INO80: variants seen among roughly 807,000 people sequenced by gnomAD.
The protein encoded by INO80 is INO80 complex ATPase subunit.
Under a neutral mutation model 203.4 loss-of-function variants are expected in INO80, and 20 were observed. The ratio of observed to expected loss-of-function variants is 0.10; its 90% CI spans 0.07 to 0.14. The LOEUF (loss-of-function observed/expected upper bound fraction) is 0.14. Ranked by LOEUF, INO80 falls within the 10% of genes least tolerant of loss-of-function variation. The pLI, the probability that INO80 is intolerant of heterozygous loss-of-function variation, is 1.00. For missense variants in INO80, 1,419 were observed against 1,914.4 expected, an observed-to-expected ratio of 0.74 and a Z score of 4.83; for synonymous variants, 726 against 685.2, an observed-to-expected ratio of 1.06 and a Z score of -0.93.
intron 14 of INO80, among the ~76,000 whole-genome samples, chr15:41,067,507 T>C (rs1343001431): frequency 1.3e-5 from 2 of 152,190 alleles, no homozygotes; most frequent in Non-Finnish European, 2.9e-5. Context: ...CAAACTGCAT[T>C]AGAATGATCT....
intron 14 of INO80, among the ~76,000 whole-genome samples, chr15:41,063,496 G>A (rs1004387612): frequency 6.6e-6 from 1 of 151,960 alleles, no homozygotes; most frequent in African/African-American, 2.4e-5. Context: ...CCTTAAGGTC[G>A]GGCACGGTGG....
At chr15:41,099,796 A>C (rs1016581029) in intron 1 of INO80, among the ~76,000 whole-genome samples, 1 of 151,866 alleles carries the variant, frequency 6.6e-6, no homozygotes, top group Non-Finnish European at 1.5e-5. Context: ...AAAAAACTTT[A>C]AATTTCACCT....
At chr15:41,111,691 T>C (rs2045960879) in intron 1 of INO80, among the ~76,000 whole-genome samples, 1 of 151,572 alleles carries the variant, frequency 6.6e-6, no homozygotes, top group East Asian at 2.0e-4. Flanking sequence ...TAATCCTAGC[T>C]ACTCGGGAGG....
At chr15:41,107,604 A>G (rs1369849714) in intron 1 of INO80, among the ~76,000 whole-genome samples, 1 of 151,708 alleles carries the variant, frequency 6.6e-6, no homozygotes, top group African/African-American at 2.4e-5. Flanking sequence ...GTTCGAGGCC[A>G]GCCTGGCCAA....
Position 40,997,520 on chromosome 15 carries a change from ATTAC to A in INO80, c.3570+5_3570+8del. On this transcript the variant is annotated splice_donor_5th_base_variant and intron_variant, in intron 29 of 35. Transcript: ENST00000648947. ...TGCATATCTAGTTGATTGTGCTCTC[ATTAC>A]TTACTGTGTCTGCAGCAGTGAGATT... 6.3e-7 allele frequency: 1 copy of A among 1,588,552 alleles called. No homozygotes were observed. Among genetic ancestry groups the A allele is most frequent in the Non-Finnish European group, 8.6e-7 (1 of 1,156,692 alleles).
At chr15:41,021,721 G>A (rs1164557532) in intron 25 of INO80, among the ~76,000 whole-genome samples, 1 of 152,194 alleles carries the variant, frequency 6.6e-6, no homozygotes, top group Non-Finnish European at 1.5e-5. Context: ...AGGCAGGGGA[G>A]GGTAGGGAAG....
At chr15:41,016,243 G>A (rs1204928981) in intron 26 of INO80, 28 bp from the exon 27 acceptor site, 1 of 1,607,994 alleles carries the variant, frequency 6.2e-7, no homozygotes, top group African/African-American at 1.3e-5. Flanking sequence ...GGGTGAGGGG[G>A]AACTGTATTT....
intron 1 of INO80, among the ~76,000 whole-genome samples, chr15:41,113,193 G>A (rs936042652): frequency 6.6e-5 from 10 of 152,108 alleles, no homozygotes; most frequent in Admixed American, 2.0e-4. Context: ...GGGATTACAG[G>A]TGTGAGCCAC....
chr15:41,110,346 T>C (rs1321736641), intron 1 of INO80, among the ~76,000 whole-genome samples: 2 of 151,608 alleles, frequency 1.3e-5, no homozygotes, highest in South Asian at 2.1e-4. Flanking sequence ...GGTTTCACCA[T>C]GTTGGTCAGG....
chr15:40,992,557 G>A (rs1215804704), intron 29 of INO80, among the ~76,000 whole-genome samples: 4 of 152,232 alleles, frequency 2.6e-5, no homozygotes, highest in East Asian at 1.9e-4. Flanking sequence ...TGGTTCTGGG[G>A]AAATCCCAAA....
intron 14 of INO80, among the ~76,000 whole-genome samples, chr15:41,065,497 A>G (rs1031087664): frequency 2.0e-5 from 3 of 152,158 alleles, no homozygotes; most frequent in African/African-American, 7.2e-5. Context: ...TAGAATTACC[A>G]TATGACCTAG....
chr15:40,986,621 TTTTGTTTTTG>T (rs1056626893), intron 31 of INO80, among the ~76,000 whole-genome samples: 1 of 151,428 alleles, frequency 6.6e-6, no homozygotes, highest in African/African-American at 2.4e-5. Flanking sequence ...GTCTTGTGTT[TTTTGTTTTTG>T]TTTGTTTTTA....
At chr15:41,013,131 T>C (rs1332981084) in intron 27 of INO80, 2 of 149,958 alleles carry the variant, frequency 1.3e-5, no homozygotes. Flanking sequence ...AAAAAGGCTG[T>C]TGGATGAAAG....
At chr15:41,020,076 C>G (rs1189699644) in intron 26 of INO80, among the ~76,000 whole-genome samples, 1 of 152,102 alleles carries the variant, frequency 6.6e-6, no homozygotes, top group African/African-American at 2.4e-5. Context: ...AAAAAATTAG[C>G]CAGGCGTGGT....
At chr15:41,008,171 A>G (rs2044078201) in intron 27 of INO80, among the ~76,000 whole-genome samples, 1 of 151,886 alleles carries the variant, frequency 6.6e-6, no homozygotes, top group South Asian at 2.1e-4. Context: ...TGATTGTCTC[A>G]AAATAAACAA....
At chr15:41,046,579 G>C (rs775800632) in intron 23 of INO80, among the ~76,000 whole-genome samples, 45 of 151,228 alleles carry the variant, frequency 3.0e-4, no homozygotes, top group Non-Finnish European at 4.9e-4. Context: ...CAAAAGAAAG[G>C]TACAATTCAC....
intron 1 of INO80, among the ~76,000 whole-genome samples, chr15:41,100,513 A>T (rs778729660): frequency 6.6e-6 from 1 of 152,200 alleles, no homozygotes; most frequent in Non-Finnish European, 1.5e-5. Flanking sequence ...CCCAGTATAC[A>T]TCAGTCCTGT....
At chr15:41,053,217 T>C (rs1384012440) in intron 19 of INO80, among the ~76,000 whole-genome samples, 2 of 152,184 alleles carry the variant, frequency 1.3e-5, no homozygotes, top group African/African-American at 2.4e-5. Context: ...GCCATTCTCC[T>C]GCCTCAGCCT....
intron 1 of INO80, among the ~76,000 whole-genome samples, chr15:41,107,166 C>A (rs1454772142): frequency 6.6e-6 from 1 of 152,166 alleles, no homozygotes; most frequent in Non-Finnish European, 1.5e-5. Context: ...AAGGCCTTGA[C>A]CTCTAAAAAA....
Sources: allele counts gnomAD v4.1 joint callset (sites outside exome capture counted in the v4.1 genomes callset), GRCh38; gene constraint gnomAD v4.1.1; transcripts MANE v1.5; gene names NCBI Gene and HGNC (gene_info 2026-07-23, HGNC 2026-07-21).